OSBPL5: variants seen among roughly 807,000 people sequenced by gnomAD.
OSBPL5 encodes oxysterol-binding protein-related protein 5.
OSBPL5 carries 71 observed loss-of-function variants against 111.2 expected under a neutral mutation model. The observed-to-expected ratio is 0.64, with a 90% CI of 0.53 to 0.78. The LOEUF is 0.78. Ranked by LOEUF, OSBPL5 falls within the 30% of genes least tolerant of loss-of-function variation. The probability of loss-of-function intolerance (pLI) is 0.00; values close to 1 mark genes in which losing one functional copy is unlikely to be tolerated. For synonymous variants in OSBPL5, 549 were observed against 513.9 expected, an observed-to-expected ratio of 1.07 and a Z score of -0.93; for missense variants, 1,210 against 1,189.3, an observed-to-expected ratio of 1.02 and a Z score of -0.26.
chr11:3,100,218 G>C lies in OSBPL5; in HGVS notation c.1561C>G (p.Leu521Val). 6.2e-7 allele frequency: 1 copy of C among 1,614,158 alleles called. No individual in the cohort carries two copies. Among genetic ancestry groups the C allele is most frequent in the Non-Finnish European group, 8.5e-7 (1 of 1,180,026 alleles). Reference sequence around the variant, plus strand: ...TCCTCGGCTCGGTTCAGGAAGGTGAGCGTGGCTTTGCCGTCCAGCAGCGCC... The same window carrying C: ...TCCTCGGCTCGGTTCAGGAAGGTGACCGTGGCTTTGCCGTCCAGCAGCGCC... ...LSALLDGKAT[L>V]TFLNRAEDYT... Residue 521 changes from leucine (L) to valine (V), a missense_variant, in exon 14 of 22, where the codon CTC (leucine) becomes GTC (valine). Coordinates refer to ENST00000263650, the MANE Select transcript of OSBPL5 (RefSeq NM_020896.4).
At chr11:3,094,007 A>G (rs1857160012) in intron 15 of OSBPL5, among the ~76,000 whole-genome samples, 172 bp from the exon 16 acceptor site, 1 of 152,040 alleles carries the variant, frequency 6.6e-6, no homozygotes, top group Admixed American at 6.5e-5. Context: ...CCGCTCAAGG[A>G]TGTAGTGTCC....
At position 3,104,115 on chromosome 11, in the gene OSBPL5, G is replaced by T; in HGVS notation, c.1244+78C>A. On this transcript the variant is annotated intron_variant, in intron 10 of 21. Coordinates refer to ENST00000263650, the MANE Select transcript of OSBPL5 (RefSeq NM_020896.4). This position sits in a 1 kb window ranked among gnomAD's most constrained non-coding sequence, Gnocchi z 5.0. ...TTCTCTGGAAGCCCCCACAGGGCAG[G>T]TAGGGGCTGGGGGTGCTGCAGGGTC... 6.8e-7 allele frequency: 1 copy of T among 1,472,400 alleles called. No individual in the cohort carries two copies. The highest frequency in any genetic ancestry group is 9.2e-7 in the Non-Finnish European group (1 of 1,088,838). The allele number at this position is 1,472,400 out of a possible 1,614,324, so 91.2% of individuals were successfully genotyped here. A position where few individuals can be genotyped will look rare whatever the true frequency, so the allele number is the denominator to read the frequency against.
chr11:3,141,150 T>C lies in OSBPL5; in HGVS notation c.-21-11981A>G, dbSNP rs1846099795. Among the ~76,000 whole-genome samples, 1 of 152,064 alleles carries C rather than the reference T, an allele frequency of 6.6e-6. No individual in the cohort carries two copies. The highest frequency in any genetic ancestry group is 2.4e-5 in the African/African-American group (1 of 41,410). ...AAGCCTCATTCCAGGCAGTTTCGAG[T>C]GCTCTGATGCTGACAGCCACCCAGG... On this transcript the variant is annotated intron_variant, in intron 1 of 21. Transcript: ENST00000263650. This position sits in a 1 kb window ranked among gnomAD's most constrained non-coding sequence, Gnocchi z 6.5.
chr11:3,158,763 T>A (rs1348531666), intron 1 of OSBPL5, among the ~76,000 whole-genome samples: 1 of 152,216 alleles, frequency 6.6e-6, no homozygotes, highest in African/African-American at 2.4e-5. Flanking sequence ...TGCTTCTTTC[T>A]GCATAAAACC....
Position 3,122,439 on chromosome 11 carries a change from G to C in OSBPL5, c.220-11C>G. ...CAGCCTGTACTCTGCCTGAAAGAGAGAGGTGGGTATGCGGGACAGGGCACA... is the reference window on the plus strand; with the variant it reads ...CAGCCTGTACTCTGCCTGAAAGAGACAGGTGGGTATGCGGGACAGGGCACA... On this transcript the variant is annotated splice_polypyrimidine_tract_variant and intron_variant, in intron 3 of 21. Transcript: ENST00000263650. 6.2e-7 allele frequency: 1 copy of C among 1,613,256 alleles called. No individual in the cohort carries two copies. Among genetic ancestry groups the C allele is most frequent in the South Asian group, 1.1e-5 (1 of 90,894 alleles).
intron 14 of OSBPL5, chr11:3,094,846 T>C (rs1456067761): frequency 6.6e-6 from 1 of 152,658 alleles, no homozygotes; most frequent in Non-Finnish European, 1.5e-5. Flanking sequence ...GCATCCCGTA[T>C]GTTTAAAAAA....
chr11:3,129,334 G>C, intron 1 of OSBPL5, 165 bp from the exon 2 acceptor site: 2 of 567,324 alleles, frequency 3.5e-6, no homozygotes, highest in Non-Finnish European at 5.6e-6. Context: ...TGGTCAGCCA[G>C]GACAGCCCAG....
At chr11:3,131,737 CCCAGG>C (rs1845797232) in intron 1 of OSBPL5, among the ~76,000 whole-genome samples, 3 of 42,368 alleles carry the variant, frequency 7.1e-5, no homozygotes, top group African/African-American at 3.6e-4. Context: ...CATCCATCCT[CCCAGG>C]CATCCATCCA....
Position 3,113,558 on chromosome 11 carries a change from G to C in OSBPL5, c.692-5613C>G, listed in dbSNP as rs1858086018. Among the ~76,000 whole-genome samples, 1 of 152,040 alleles carries C rather than the reference G, an allele frequency of 6.6e-6. No individual in the cohort carries two copies. ...TAATCCCAGCTACTCGTGAGGCTGA[G>C]GCAGGAGAATTGCTTGACCTGGGAG... On this transcript the variant is annotated intron_variant, in intron 7 of 21. Transcript: ENST00000263650. The surrounding 1 kb of genome is among the most constrained non-coding windows in gnomAD (Gnocchi z 4.8).
Position 3,121,396 on chromosome 11 carries a change from T to C in OSBPL5, c.402+601A>G, listed in dbSNP as rs1858412275. ...AATTCTGAAAGTAGTTGTCTTCTTT[T>C]CTCATTCTAAATACTCACTTTTGCA... On this transcript the variant is annotated intron_variant, in intron 5 of 21. Transcript: ENST00000263650. The surrounding 1 kb of genome is among the most constrained non-coding windows in gnomAD (Gnocchi z 4.3). Among the ~76,000 whole-genome samples, 1 of 152,152 alleles carries C rather than the reference T, an allele frequency of 6.6e-6. No homozygotes were observed. The highest frequency in any genetic ancestry group is 2.4e-5 in the African/African-American group (1 of 41,426).
chr11:3,114,274 T>C (rs1279461805), intron 7 of OSBPL5, among the ~76,000 whole-genome samples: 1 of 152,108 alleles, frequency 6.6e-6, no homozygotes, highest in Non-Finnish European at 1.5e-5. Context: ...TAAAGAAAGT[T>C]ATAAAAAAGT....
rs754649143 is a variant in OSBPL5, at chr11:3,142,469, C to A, written c.-21-13300G>T. On this transcript the variant is annotated intron_variant, in intron 1 of 21. Transcript: ENST00000263650. The surrounding 1 kb of genome is among the most constrained non-coding windows in gnomAD (Gnocchi z 7.1). ...CACAAGGGCCCAGGATCCCTCCCCA[C>A]TCGCTGCTCCGTGTCCCAGGAGGTC... Among the ~76,000 whole-genome samples the A allele has an allele frequency of 2.0e-5, 3 of 152,192 alleles. No individual in the cohort carries two copies. Among genetic ancestry groups the A allele is most frequent in the Non-Finnish European group, 4.4e-5 (3 of 68,016 alleles).
At chr11:3,112,033 G>GTGCATGTGTGTGTGCATGTGTGTGTGCA (rs1564837340) in intron 7 of OSBPL5, among the ~76,000 whole-genome samples, 1 of 113,164 alleles carries the variant, frequency 8.8e-6, no homozygotes, top group Non-Finnish European at 1.9e-5. Flanking sequence ...GCATGTGTGT[G>GTGCATGTGTGTGTGCATGTGTGTGTGCA]TATGTGTGCG....
chr11:3,088,097 C>T lies in OSBPL5; in HGVS notation c.*108G>A. The T allele has an allele frequency of 8.9e-7, 1 of 1,122,296 alleles. No individual in the cohort carries two copies. Among genetic ancestry groups the T allele is most frequent in the Non-Finnish European group, 1.2e-6 (1 of 829,144 alleles). The allele number at this position is 1,122,296 out of a possible 1,614,324, so 69.5% of individuals were successfully genotyped here. On this transcript the variant is annotated 3_prime_UTR_variant, in exon 22 of 22. Coordinates refer to ENST00000263650, the MANE Select transcript of OSBPL5 (RefSeq NM_020896.4). ...CCTCCTGCGCCTGGACTCCCCGTCACAGTGGCTGTGCTTGCCGGGCCTCTC... is the reference window on the plus strand; with the variant it reads ...CCTCCTGCGCCTGGACTCCCCGTCATAGTGGCTGTGCTTGCCGGGCCTCTC...
intron 6 of OSBPL5, 66 bp from the exon 7 acceptor site, chr11:3,119,697 G>A: frequency 1.3e-6 from 2 of 1,481,896 alleles, no homozygotes; most frequent in Non-Finnish European, 1.8e-6. Context: ...AGATAGGTCA[G>A]GCAGAACCAT....
intron 7 of OSBPL5, among the ~76,000 whole-genome samples, chr11:3,114,289 T>C (rs1392507827): frequency 6.6e-6 from 1 of 152,048 alleles, no homozygotes; most frequent in Non-Finnish European, 1.5e-5. Flanking sequence ...AAAAGTGTTT[T>C]TTGGTGGAGA....
At chr11:3,090,737 G>T in intron 19 of OSBPL5, 41 bp from the exon 20 acceptor site, 1 of 1,570,600 alleles carries the variant, frequency 6.4e-7, no homozygotes. Context: ...AGCCACCCAC[G>T]CCCCCTGCCC....
At chr11:3,133,548 C>T (rs1429306878) in intron 1 of OSBPL5, among the ~76,000 whole-genome samples, 5 of 150,936 alleles carry the variant, frequency 3.3e-5, no homozygotes, top group African/African-American at 5.0e-5. Flanking sequence ...TCGCTCTCAG[C>T]GGCCTCCATG....
intron 1 of OSBPL5, among the ~76,000 whole-genome samples, chr11:3,151,298 T>C (rs574549864): frequency 6.6e-6 from 1 of 152,292 alleles, no homozygotes; most frequent in South Asian, 2.1e-4. Flanking sequence ...CTAAGCTACC[T>C]AGTTTGTGGT....
Sources: allele counts gnomAD v4.1 joint callset (sites outside exome capture counted in the v4.1 genomes callset), GRCh38; gene constraint gnomAD v4.1.1; non-coding constraint Gnocchi (gnomAD v3.1); transcripts MANE v1.5; gene names NCBI Gene and HGNC (gene_info 2026-07-23, HGNC 2026-07-21).